WASF3: variants seen among roughly 807,000 people sequenced by gnomAD.
WASF3 encodes the protein actin-binding protein WASF3.
WASF3 carries 11 observed loss-of-function variants against 46.6 expected under a neutral mutation model. That is an observed-to-expected ratio of 0.24 (90% confidence interval 0.15 to 0.39). The LOEUF is 0.39. Ranked by LOEUF, WASF3 falls within the 10% of genes least tolerant of loss-of-function variation. The pLI, the probability that WASF3 is intolerant of heterozygous loss-of-function variation, is 1.00. For missense variants in WASF3, 576 were observed against 669.8 expected, an observed-to-expected ratio of 0.86 and a Z score of 1.55; for synonymous variants, 242 against 259.7, an observed-to-expected ratio of 0.93 and a Z score of 0.65.
intron 2 of WASF3, among the ~76,000 whole-genome samples, chr13:26,635,724 G>A (rs1410732009): frequency 6.6e-6 from 1 of 152,184 alleles, no homozygotes; most frequent in African/African-American, 2.4e-5. Context: ...CTGTTTGTTA[G>A]TTTTCCTTTT....
chr13:26,580,770 C>T (rs1309601912), intron 1 of WASF3, among the ~76,000 whole-genome samples: 3 of 151,466 alleles, frequency 2.0e-5, no homozygotes, highest in African/African-American at 4.9e-5. Context: ...GGATTACAGG[C>T]GTGTGCCACC....
intron 3 of WASF3, among the ~76,000 whole-genome samples, chr13:26,656,408 G>C (rs1445806201): frequency 6.6e-6 from 1 of 151,942 alleles, no homozygotes; most frequent in African/African-American, 2.4e-5. Flanking sequence ...CCAGAATTTA[G>C]AAACTATTTA....
intron 1 of WASF3, among the ~76,000 whole-genome samples, chr13:26,607,295 AAATTAAAAATCT>A: frequency 6.6e-6 from 1 of 152,328 alleles, no homozygotes; most frequent in South Asian, 2.1e-4. Flanking sequence ...GTCAAAAGGC[AAATTAAAAATCT>A]AATTAAAAAT....
chr13:26,545,762 G>A, the WASF3 span, among the ~76,000 whole-genome samples: 2 of 152,072 alleles, frequency 1.3e-5, no homozygotes, highest in Non-Finnish European at 2.9e-5. Flanking sequence ...ATCACCACAT[G>A]CAGTTACTTT....
chr13:26,600,336 C>T (rs1312804568), intron 1 of WASF3, among the ~76,000 whole-genome samples: 1 of 152,186 alleles, frequency 6.6e-6, no homozygotes, highest in Non-Finnish European at 1.5e-5. Context: ...TGACCTGGGG[C>T]AAGCCACTTC....
chr13:26,685,046 A>C (rs1043189250), intron 9 of WASF3, among the ~76,000 whole-genome samples: 1 of 151,266 alleles, frequency 6.6e-6, no homozygotes, highest in Non-Finnish European at 1.5e-5. Flanking sequence ...CATGATCGTA[A>C]CACTGCACTC....
chr13:26,599,478 C>T (rs1298219643), intron 1 of WASF3, among the ~76,000 whole-genome samples: 1 of 152,174 alleles, frequency 6.6e-6, no homozygotes, highest in Non-Finnish European at 1.5e-5. Context: ...GGGGCTCTCT[C>T]AGCTCTCCTG....
At chr13:26,539,515 T>A in the WASF3 span, among the ~76,000 whole-genome samples, 2 of 152,060 alleles carry the variant, frequency 1.3e-5, no homozygotes, top group Non-Finnish European at 2.9e-5. Context: ...ACTCTTGTGG[T>A]AAATAAAAAA....
chr13:26,680,126 T>C (rs1883182056), intron 7 of WASF3: 1 of 1,598,060 alleles, frequency 6.3e-7, no homozygotes, highest in Non-Finnish European at 8.5e-7. Flanking sequence ...AGAAGGAAAA[T>C]GGGCATTGAG....
At chr13:26,539,754 G>C in the WASF3 span, among the ~76,000 whole-genome samples, 1 of 152,146 alleles carries the variant, frequency 6.6e-6, no homozygotes, top group African/African-American at 2.4e-5. Context: ...CCTTGGTCTT[G>C]GTCTGTTGTT....
intron 2 of WASF3, among the ~76,000 whole-genome samples, chr13:26,631,760 G>A (rs927056389): frequency 2.0e-5 from 3 of 152,252 alleles, no homozygotes; most frequent in Middle Eastern, 3.4e-3. Context: ...AATTACCTTG[G>A]GCAGTATGGC....
chr13:26,575,058 G>T (rs576996654), intron 1 of WASF3, among the ~76,000 whole-genome samples: 1 of 152,048 alleles, frequency 6.6e-6, no homozygotes, highest in Non-Finnish European at 1.5e-5. Flanking sequence ...GGATGGTCTC[G>T]ATCTCCTGAC....
chr13:26,684,332 A>G (rs533101959), intron 9 of WASF3, among the ~76,000 whole-genome samples: 1 of 151,846 alleles, frequency 6.6e-6, no homozygotes, highest in African/African-American at 2.4e-5. Context: ...CATAATCTGT[A>G]TCTAATCTCG....
upstream of WASF3, among the ~76,000 whole-genome samples, chr13:26,552,773 T>C (rs892548505): frequency 6.6e-6 from 1 of 152,222 alleles, no homozygotes; most frequent in African/African-American, 2.4e-5. Context: ...CAGTTCCTAA[T>C]GCAAAGCAGT....
rs867712433 is a variant in WASF3 at position 26,682,189 on chromosome 13, T to G, written c.984-418T>G. Among the ~76,000 whole-genome samples the G allele has an allele frequency of 1.3e-5, 2 of 152,326 alleles. No individual in the cohort carries two copies. The highest frequency in any genetic ancestry group is 4.1e-4 in the South Asian group (2 of 4,826). On this transcript the variant is annotated intron_variant, in intron 8 of 9. Transcript: ENST00000335327. The surrounding 1 kb of genome is among the most constrained non-coding windows in gnomAD (Gnocchi z 4.4). ...CTGGGCACTGCAGGCATGGGGCATTTCCACGGAGGTGGGTTAGAGAATGTA... is the reference window on the plus strand; with the variant it reads ...CTGGGCACTGCAGGCATGGGGCATTGCCACGGAGGTGGGTTAGAGAATGTA...
Position 26,682,734 on chromosome 13 carries a change from T to C in WASF3, c.1111T>C (p.Phe371Leu). The C allele has an allele frequency of 1.2e-6, 2 of 1,613,772 alleles. No homozygotes were observed. Among genetic ancestry groups the C allele is most frequent in the Non-Finnish European group, 1.7e-6 (2 of 1,179,976 alleles). ...SPLQMPMQPP[F>L]PASASSTHAA... ...TCTCCAGATGCCCATGCAGCCCCCG[T>C]TCCCTGCATCAGCCAGCTCCACGCA... The change falls in exon 9 of 10, where the codon TTC becomes CTC. Residue 371 changes from phenylalanine (F) to leucine (L), a missense_variant. By Grantham distance (22) the Phe-to-Leu change is conservative (BLOSUM62 0). Around this residue, in one of 3 missense-constraint regions of WASF3, gnomAD observed 295 missense variants for 291.5 expected, o/e 1.01. Transcript: ENST00000335327. This position sits in a 1 kb window ranked among gnomAD's most constrained non-coding sequence, Gnocchi z 4.4.
intron 1 of WASF3, among the ~76,000 whole-genome samples, chr13:26,608,274 A>G (rs960433508): frequency 1.3e-5 from 2 of 152,160 alleles, no homozygotes; most frequent in East Asian, 1.9e-4. Context: ...AGAAAATATT[A>G]TCTTACGATT....
the WASF3 span, among the ~76,000 whole-genome samples, chr13:26,542,125 A>G: frequency 6.6e-6 from 1 of 152,216 alleles, no homozygotes; most frequent in Non-Finnish European, 1.5e-5. Context: ...GCTGAGATTT[A>G]CTGCTTCAAA....
chr13:26,556,316 T>A (rs1879097248), upstream of WASF3, among the ~76,000 whole-genome samples: 1 of 152,198 alleles, frequency 6.6e-6, no homozygotes, highest in African/African-American at 2.4e-5. Flanking sequence ...TCTAAATTAA[T>A]GACCTAAACA....
Sources: gnomAD v4.1 joint callset for allele counts (sites outside exome capture counted in the v4.1 genomes callset) on GRCh38, gnomAD v4.1.1 for gene constraint, gnomAD v4.1.1 regional missense constraint, Gnocchi (gnomAD v3.1) non-coding constraint, MANE v1.5 for transcripts, NCBI Gene and HGNC (gene_info 2026-07-23, HGNC 2026-07-21) for gene names.